The following FOXP1 variants were observed in gnomAD, a reference collection of about 807,000 sequenced individuals.
The protein encoded by FOXP1 is forkhead box P1.
FOXP1 carries 15 observed loss-of-function variants against 98.2 expected under a neutral mutation model. The ratio of observed to expected loss-of-function variants is 0.15; its 90% confidence interval spans 0.10 to 0.24. FOXP1 has a LOEUF of 0.24. FOXP1 is among the 10% of genes least tolerant of loss of function. The pLI is 1.00. For missense variants in FOXP1, 633 were observed against 848.5 expected (o/e 0.75, Z 3.15); for synonymous variants, 371 against 314.5 (o/e 1.18, Z -1.90).
chr3:71,583,883 C>T (rs1165621594), upstream of FOXP1: 1 of 985,356 alleles, frequency 1.0e-6, no homozygotes, highest in South Asian at 4.5e-5. Flanking sequence ...CTACCTCCCG[C>T]AGGGGTCCCC....
At chr3:70,971,527 C>G (rs1234896874) in intron 18 of FOXP1, 4 of 153,790 alleles carry the variant, frequency 2.6e-5, no homozygotes, top group Non-Finnish European at 5.8e-5. Flanking sequence ...TAGGCAATTA[C>G]CTACATTTAT....
chr3:71,347,243 GCTGA>G (rs577543446), intron 4 of FOXP1, among the ~76,000 whole-genome samples: 50 of 152,224 alleles, frequency 3.3e-4, no homozygotes, highest in African/African-American at 1.1e-3. Context: ...AATTATTCAG[GCTGA>G]CTGTCATTCA....
Position 70,958,650 on chromosome 3 carries a change from A to AT in FOXP1, c.*596_*597insA. 2 of 209,784 alleles carry AT rather than the reference A, an allele frequency of 9.5e-6. No homozygotes were observed. Among genetic ancestry groups the AT allele is most frequent in the Non-Finnish European group, 9.3e-6 (1 of 107,174 alleles). 13.0% of individuals were successfully genotyped at this position (209,784 alleles called of 1,614,324 possible). A position where few individuals can be genotyped will look rare whatever the true frequency, so the allele number is the denominator to read the frequency against. On this transcript the variant is annotated 3_prime_UTR_variant, in exon 21 of 21. Coordinates refer to ENST00000649528, the MANE Select transcript of FOXP1 (RefSeq NM_001349338.3). ...TAGAAGGAAAAAAAAAAAAAAAAAAAGCAATACATTAAAAAGTTTGGGATA... is the reference window on the plus strand; with the variant it reads ...TAGAAGGAAAAAAAAAAAAAAAAAAATGCAATACATTAAAAAGTTTGGGATA...
At chr3:71,191,606 C>T (rs1361909121) in intron 6 of FOXP1, among the ~76,000 whole-genome samples, 1 of 152,132 alleles carries the variant, frequency 6.6e-6, no homozygotes, top group African/African-American at 2.4e-5. Context: ...GAATTTCATA[C>T]AAGGCTCAAA....
intron 4 of FOXP1, among the ~76,000 whole-genome samples, chr3:71,346,184 G>A (rs768764844): frequency 2.6e-5 from 4 of 152,170 alleles, no homozygotes; most frequent in Admixed American, 6.5e-5. Flanking sequence ...GAGGGAAGGC[G>A]AATGCCAAGA....
intron 6 of FOXP1, among the ~76,000 whole-genome samples, chr3:71,196,210 C>T (rs1031317293): frequency 1.3e-5 from 2 of 152,132 alleles, no homozygotes; most frequent in East Asian, 3.8e-4. Context: ...ATTTCTTGAC[C>T]TTTGTGTCAA....
chr3:70,965,158 C>T (rs771794949), intron 20 of FOXP1, among the ~76,000 whole-genome samples: 3 of 152,220 alleles, frequency 2.0e-5, no homozygotes, highest in Non-Finnish European at 4.4e-5. Context: ...TTTCTTCGCT[C>T]TGTTTGAAAA....
At position 71,463,927 on chromosome 3, in the gene FOXP1, T is replaced by C. The variant is rs1450776402; in HGVS notation, c.-168+29499A>G. Among the ~76,000 whole-genome samples the C allele has an allele frequency of 2.0e-5, 3 of 152,068 alleles. No individual in the cohort carries two copies. In the East Asian group the frequency reaches 5.8e-4, roughly 30 times the overall value. On this transcript the variant is annotated intron_variant, in intron 3 of 20. Transcript: ENST00000649528. ...AACAGGATTGAGAGGTGGCATCAAA[T>C]ATACATTTCTGCAAAGGCTGAGTGT... is the stretch of plus-strand genomic sequence containing the variant.
At chr3:71,071,506 C>T (rs1366370432) in intron 7 of FOXP1, among the ~76,000 whole-genome samples, 1 of 152,190 alleles carries the variant, frequency 6.6e-6, no homozygotes, top group Non-Finnish European at 1.5e-5. Flanking sequence ...GTGGGCAAGT[C>T]ACGTCACCTC....
At chr3:71,467,942 T>C (rs75376304) in intron 3 of FOXP1, among the ~76,000 whole-genome samples, 12 of 152,294 alleles carry the variant, frequency 7.9e-5, no homozygotes, top group Non-Finnish European at 1.2e-4. Flanking sequence ...GATTCCAATA[T>C]GTTACAAGTC....
chr3:70,968,475 T>TG (rs1203848272), intron 19 of FOXP1: 1 of 151,568 alleles, frequency 6.6e-6, no homozygotes, highest in African/African-American at 2.4e-5. Flanking sequence ...CATATCAAGC[T>TG]GGCACCTCTG....
At chr3:71,003,790 C>T (rs1012414214) in intron 12 of FOXP1, among the ~76,000 whole-genome samples, 1 of 152,048 alleles carries the variant, frequency 6.6e-6, no homozygotes, top group Non-Finnish European at 1.5e-5. Flanking sequence ...TAATCATAAT[C>T]CTAGCAGGAT....
At chr3:71,187,345 G>A (rs913655159) in intron 6 of FOXP1, among the ~76,000 whole-genome samples, 7 of 152,170 alleles carry the variant, frequency 4.6e-5, no homozygotes, top group Non-Finnish European at 1.0e-4. Flanking sequence ...CAGCACTTTG[G>A]GAGGCTGAGG....
chr3:71,530,942 G>T (rs2043794622), intron 2 of FOXP1, among the ~76,000 whole-genome samples: 2 of 152,116 alleles, frequency 1.3e-5, no homozygotes, highest in African/African-American at 2.4e-5. Context: ...TTCCCATTCT[G>T]CCCCCAAATG....
chr3:71,270,926 C>G (rs1389818176), intron 5 of FOXP1, among the ~76,000 whole-genome samples: 2 of 152,232 alleles, frequency 1.3e-5, no homozygotes, highest in African/African-American at 4.8e-5. Flanking sequence ...GCTACTGCAC[C>G]CATCTGTTTA....
chr3:71,023,927 G>A (rs74643791), intron 11 of FOXP1, among the ~76,000 whole-genome samples: 2,393 of 152,280 alleles, frequency 0.016, 68 homozygotes, highest in African/African-American at 0.051. Flanking sequence ...CCTTTTCTAA[G>A]AAGAGCAAGG....
intron 7 of FOXP1, among the ~76,000 whole-genome samples, chr3:71,069,507 T>C (rs1000512784): frequency 6.6e-5 from 10 of 152,228 alleles, no homozygotes; most frequent in African/African-American, 2.4e-4. Flanking sequence ...AATTTGTTAA[T>C]GGACTGCTTC....
At chr3:71,111,071 T>A (rs1182245216) in intron 7 of FOXP1, among the ~76,000 whole-genome samples, 1 of 152,224 alleles carries the variant, frequency 6.6e-6, no homozygotes, top group Non-Finnish European at 1.5e-5. Flanking sequence ...TAGAACTTGT[T>A]GGTCAAGGTC....
At chr3:71,568,358 C>T (rs886511318) in intron 2 of FOXP1, among the ~76,000 whole-genome samples, 11 of 152,152 alleles carry the variant, frequency 7.2e-5, no homozygotes, top group Middle Eastern at 3.2e-3. Context: ...CAACCTGGTC[C>T]TCCTGTTCTA....
Sources: allele counts gnomAD v4.1 joint callset (sites outside exome capture counted in the v4.1 genomes callset), GRCh38; gene constraint gnomAD v4.1.1; transcripts MANE v1.5; gene names NCBI Gene and HGNC (gene_info 2026-07-23, HGNC 2026-07-21).